The following STRN variants were observed in gnomAD, a reference collection of about 807,000 sequenced individuals.
STRN encodes the protein striatin, also known as protein phosphatase 2 regulatory subunit B'''alpha.
Under a neutral mutation model 96.3 loss-of-function variants are expected in STRN, and 53 were observed. The observed-to-expected ratio is 0.55, with a 90% CI of 0.44 to 0.69. The LOEUF (loss-of-function observed/expected upper bound fraction) is 0.69, where lower values mean the gene tolerates loss of function less well. Among genes scored for constraint, STRN ranks in the 30% least tolerant of loss-of-function variants. STRN has a pLI of 0.00. For missense variants in STRN, 987 were observed against 963.9 expected, an observed-to-expected ratio of 1.02 and a Z score of -0.32; for synonymous variants, 428 against 355.9, an observed-to-expected ratio of 1.20 and a Z score of -2.28.
intron 15 of STRN, 125 bp from the exon 16 acceptor site, chr2:36,851,232 C>T: frequency 9.9e-6 from 7 of 707,928 alleles, no homozygotes; most frequent in Non-Finnish European, 1.6e-5. Flanking sequence ...CGCCTGTAAT[C>T]CAAGCACGTT....
At chr2:36,916,623 C>T (rs1053962743) in intron 2 of STRN, among the ~76,000 whole-genome samples, 1 of 151,938 alleles carries the variant, frequency 6.6e-6, no homozygotes, top group African/African-American at 2.4e-5. Context: ...CATGATTTGC[C>T]AAATATGCAT....
rs1163986022 is a variant in STRN at position 36,849,618 on chromosome 2, G to A, written c.2181C>T (p.Asp727=). 3 of 1,613,688 alleles carry A rather than the reference G, an allele frequency of 1.9e-6. No homozygotes were observed. Among genetic ancestry groups the A allele is most frequent in the East Asian group, 2.2e-5 (1 of 44,890 alleles). ...CTAGATTCCATAAACGTATTGAACA[G>A]TCATGACCTATATCCAAAAAAAAAA... The part of the protein sequence containing the change: ...NGLYLMSGSH[D]CSIRLWNLES... The change falls in exon 18 of 18, where the codon GAC becomes GAT. Residue 727 remains aspartate, a synonymous_variant. Coordinates refer to ENST00000263918, the MANE Select transcript of STRN (RefSeq NM_003162.4).
chr2:36,938,429 TA>T lies in STRN; in HGVS notation c.235-13222del, dbSNP rs1317648334. Among the ~76,000 whole-genome samples, 1,239 of 137,042 alleles carry T rather than the reference TA, an allele frequency of 9.0e-3. 2 individuals are homozygous for T. Among genetic ancestry groups the T allele is most frequent in the African/African-American group, 0.015 (561 of 37,972 alleles). 89.9% of individuals were successfully genotyped at this position (137,042 alleles called of 152,430 possible). A position where few individuals can be genotyped will look rare whatever the true frequency, so the allele number is the denominator to read the frequency against. On this transcript the variant is annotated intron_variant, in intron 1 of 17. Transcript: ENST00000263918. ...CAATAGAGCAAGATTCTGTCTCAAT[TA>T]AAAAAAAAAAAAAGAGTTTAAGAAA...
chr2:36,946,562 CGTGT>C (rs142362080), intron 1 of STRN, among the ~76,000 whole-genome samples: 9 of 151,998 alleles, frequency 5.9e-5, no homozygotes, highest in Non-Finnish European at 1.3e-4. Context: ...AAAAATCCCA[CGTGT>C]GTGTGTGTAT....
At chr2:36,924,317 C>T (rs552710597) in intron 2 of STRN, among the ~76,000 whole-genome samples, 10 of 143,224 alleles carry the variant, frequency 7.0e-5, no homozygotes, top group Admixed American at 5.0e-4. Flanking sequence ...GATTGCACCA[C>T]TGCACTCCAG....
chr2:36,945,482 G>A (rs62135860), intron 1 of STRN, among the ~76,000 whole-genome samples: 50,056 of 151,982 alleles, frequency 0.33, 8,453 homozygotes, highest in East Asian at 0.54. Context: ...CCTGGCTAAC[G>A]TAGTGAAACT....
In STRN at chr2:36,847,080, G is replaced by C. The variant is rs746829398; in HGVS notation, c.*2376C>G. The C allele has an allele frequency of 2.0e-5, 3 of 152,134 alleles. No homozygotes were observed. The highest frequency in any genetic ancestry group is 4.1e-4 in the South Asian group (2 of 4,830). 9.4% of individuals were successfully genotyped at this position (152,134 alleles called of 1,614,324 possible). ...GACAGCTTTGGCTCATTTCTAGGCT[G>C]AGATCATGCAGTGCTGGTAGAGAAG... On this transcript the variant is annotated 3_prime_UTR_variant, in exon 18 of 18. Coordinates refer to ENST00000263918, the MANE Select transcript of STRN (RefSeq NM_003162.4).
chr2:36,866,420 A>G (rs936447459), intron 12 of STRN, among the ~76,000 whole-genome samples: 3 of 152,206 alleles, frequency 2.0e-5, no homozygotes, highest in African/African-American at 7.2e-5. Context: ...GCATGATTTC[A>G]GTTTTTCTAA....
intron 1 of STRN, among the ~76,000 whole-genome samples, chr2:36,958,954 A>C (rs1664962838): frequency 6.6e-6 from 1 of 152,178 alleles, no homozygotes; most frequent in Non-Finnish European, 1.5e-5. Flanking sequence ...ATCTCTACCA[A>C]AAATACAAAA....
rs780308325 is a variant in STRN, at chr2:36,954,237, G to A, written c.234+11993C>T. Among the ~76,000 whole-genome samples, 14 of 151,920 alleles carry A rather than the reference G, an allele frequency of 9.2e-5. No individual in the cohort carries two copies. In the East Asian group the frequency reaches 1.2e-3, roughly 13 times the overall value. Reference sequence around the variant, plus strand: ...AAAAAAGCTCCAAATTTGGCCAGGCGTGGTGGCTCACACCTATAATCCCAG... The same window carrying A: ...AAAAAAGCTCCAAATTTGGCCAGGCATGGTGGCTCACACCTATAATCCCAG... On this transcript the variant is annotated intron_variant, in intron 1 of 17. Coordinates refer to ENST00000263918, the MANE Select transcript of STRN (RefSeq NM_003162.4).
chr2:36,959,807 C>T (rs1018958670), intron 1 of STRN, among the ~76,000 whole-genome samples: 6 of 152,124 alleles, frequency 3.9e-5, no homozygotes, highest in Admixed American at 2.0e-4. Context: ...GGTTCTCAAT[C>T]CTTGCTGTAT....
chr2:36,854,829 A>T (rs1668304585), intron 15 of STRN, among the ~76,000 whole-genome samples: 1 of 152,216 alleles, frequency 6.6e-6, no homozygotes, highest in Non-Finnish European at 1.5e-5. Flanking sequence ...CATGATCTGT[A>T]TTGAGCTGTA....
intron 5 of STRN, among the ~76,000 whole-genome samples, chr2:36,902,206 A>G (rs1316250369): frequency 6.6e-6 from 1 of 152,222 alleles, no homozygotes; most frequent in African/African-American, 2.4e-5. Context: ...AAAGTGGTTA[A>G]AAAACAGTGT....
At chr2:36,902,432 G>T in intron 5 of STRN, 152 bp downstream of exon 5, 1 of 476,168 alleles carries the variant, frequency 2.1e-6, no homozygotes, top group Non-Finnish European at 3.4e-6. Context: ...TCCAATCCTT[G>T]TTACCTTCTA....
intron 1 of STRN, among the ~76,000 whole-genome samples, chr2:36,932,477 A>G (rs1293405552): frequency 1.3e-5 from 2 of 152,180 alleles, no homozygotes; most frequent in Non-Finnish European, 2.9e-5. Context: ...TTAACAAACT[A>G]GTCAGTCTCC....
intron 10 of STRN, among the ~76,000 whole-genome samples, chr2:36,877,591 AGTG>A (rs1241842699): frequency 6.6e-6 from 1 of 152,222 alleles, no homozygotes; most frequent in Admixed American, 6.5e-5. Context: ...GCTGGAGTGC[AGTG>A]GTGCGATGTT....
chr2:36,949,306 C>T (rs1168817801), intron 1 of STRN, among the ~76,000 whole-genome samples: 1 of 152,186 alleles, frequency 6.6e-6, no homozygotes, highest in Non-Finnish European at 1.5e-5. Context: ...TTTCTCAGAA[C>T]ATATCCCTGT....
At chr2:36,932,581 A>G (rs968520681) in intron 1 of STRN, among the ~76,000 whole-genome samples, 4 of 152,194 alleles carry the variant, frequency 2.6e-5, no homozygotes, top group African/African-American at 9.7e-5. Flanking sequence ...CTTATGGATT[A>G]TATTGAAAAT....
intron 3 of STRN, among the ~76,000 whole-genome samples, chr2:36,906,669 T>TA (rs1669828855): frequency 6.6e-6 from 1 of 152,072 alleles, no homozygotes; most frequent in African/African-American, 2.4e-5. Flanking sequence ...CTCACACCTG[T>TA]AATCCCAGCA....
Sources: gnomAD v4.1 joint callset for allele counts (sites outside exome capture counted in the v4.1 genomes callset) on GRCh38, gnomAD v4.1.1 for gene constraint, MANE v1.5 for transcripts, NCBI Gene and HGNC (gene_info 2026-07-23, HGNC 2026-07-21) for gene names.